The following ZBTB20 variants were observed in gnomAD, a reference collection of about 807,000 sequenced individuals.
The protein encoded by ZBTB20 is zinc finger and BTB domain containing 20.
A neutral mutation model predicts 56.9 loss-of-function variants in ZBTB20; 9 were observed. That is an observed-to-expected ratio of 0.16 (90% CI 0.10 to 0.28). ZBTB20 has a LOEUF of 0.28. Ranked by LOEUF, ZBTB20 falls within the 10% of genes least tolerant of loss-of-function variation. ZBTB20 has a pLI of 1.00. For missense variants in ZBTB20, 655 were observed against 1,003.0 expected, an observed-to-expected ratio of 0.65 and a Z score of 4.69; for synonymous variants, 417 against 420.7, an observed-to-expected ratio of 0.99 and a Z score of 0.11.
At chr3:114,784,773 C>T (rs1454246683) in intron 5 of ZBTB20, among the ~76,000 whole-genome samples, 2 of 152,088 alleles carry the variant, frequency 1.3e-5, no homozygotes, top group Non-Finnish European at 2.9e-5. Flanking sequence ...GATATAACAT[C>T]GCTGCTATTT....
intron 10 of ZBTB20, among the ~76,000 whole-genome samples, chr3:114,369,812 T>C (rs1458119345): frequency 6.6e-6 from 1 of 152,248 alleles, no homozygotes; most frequent in Admixed American, 6.5e-5. Context: ...AGAACATGGC[T>C]TTTAAAGAAT....
chr3:114,866,998 A>C (rs887139904), intron 4 of ZBTB20, among the ~76,000 whole-genome samples: 1 of 152,188 alleles, frequency 6.6e-6, no homozygotes, highest in Non-Finnish European at 1.5e-5. Flanking sequence ...AACATAGTAC[A>C]TAGTTTCTGA....
intron 7 of ZBTB20, among the ~76,000 whole-genome samples, chr3:114,433,908 A>G (rs2090317175): frequency 6.6e-6 from 1 of 152,180 alleles, no homozygotes; most frequent in African/African-American, 2.4e-5. Flanking sequence ...ATTGATGTGC[A>G]TTAGGGGATT....
chr3:114,811,914 C>A (rs1020469390), intron 4 of ZBTB20, among the ~76,000 whole-genome samples: 5 of 146,918 alleles, frequency 3.4e-5, no homozygotes, highest in Admixed American at 6.8e-5. Context: ...AGCCGCGGAC[C>A]CTCCCGGTGA....
intron 7 of ZBTB20, among the ~76,000 whole-genome samples, chr3:114,413,727 T>C (rs2088224016): frequency 6.6e-6 from 1 of 152,140 alleles, no homozygotes; most frequent in South Asian, 2.1e-4. Flanking sequence ...TAAGCTGTAT[T>C]ATGCCACTCC....
intron 10 of ZBTB20, among the ~76,000 whole-genome samples, chr3:114,355,009 A>G (rs1490080135): frequency 6.6e-6 from 1 of 152,240 alleles, no homozygotes; most frequent in African/African-American, 2.4e-5. Context: ...TATGCCTCTT[A>G]AAGCTTTTTC....
intron 5 of ZBTB20, among the ~76,000 whole-genome samples, chr3:114,793,541 G>A (rs1010970503): frequency 1.2e-4 from 18 of 151,956 alleles, no homozygotes; most frequent in African/African-American, 4.3e-4. Flanking sequence ...ATGTATAGAG[G>A]ACATTACATT....
chr3:114,766,928 C>A (rs893808560), intron 5 of ZBTB20, among the ~76,000 whole-genome samples: 1 of 151,984 alleles, frequency 6.6e-6, no homozygotes, highest in Non-Finnish European at 1.5e-5. Flanking sequence ...TACAAAGATA[C>A]TTGGATGAAA....
chr3:114,501,644 G>A (rs1577127678), intron 6 of ZBTB20, among the ~76,000 whole-genome samples: 2 of 124,630 alleles, frequency 1.6e-5, no homozygotes, highest in South Asian at 5.4e-4. Flanking sequence ...AAAATCACAG[G>A]CCAAAAAAAA....
intron 2 of ZBTB20, among the ~76,000 whole-genome samples, chr3:115,028,658 C>T (rs1023443932): frequency 6.7e-6 from 1 of 149,918 alleles, no homozygotes; most frequent in Non-Finnish European, 1.5e-5. Context: ...TTTGTGATGA[C>T]CAAGAAAGTT....
At chr3:114,971,140 CT>C (rs1008231766) in intron 3 of ZBTB20, among the ~76,000 whole-genome samples, 2 of 152,118 alleles carry the variant, frequency 1.3e-5, no homozygotes, top group African/African-American at 4.8e-5. Context: ...AACATATTTA[CT>C]TTTTTTCTTT....
chr3:115,101,040 C>T (rs1247787965), intron 1 of ZBTB20, among the ~76,000 whole-genome samples: 1 of 152,196 alleles, frequency 6.6e-6, no homozygotes, highest in Non-Finnish European at 1.5e-5. Context: ...AACTAATAGG[C>T]TAGGAACCTA....
intron 1 of ZBTB20, among the ~76,000 whole-genome samples, chr3:115,078,534 C>T (rs977764584): frequency 6.6e-6 from 1 of 150,390 alleles, no homozygotes; most frequent in Non-Finnish European, 1.5e-5. Context: ...TCTTAATGAC[C>T]ATTATGGCAC....
rs144058208 is a variant in ZBTB20 at position 114,354,293 on chromosome 3, A to T, written c.200-2415T>A. Among the ~76,000 whole-genome samples, 123 of 152,372 alleles carry T rather than the reference A, an allele frequency of 8.1e-4. 2 individuals carry two copies. In the East Asian group the frequency reaches 0.021, roughly 26 times the overall value. The stretch of plus-strand genomic sequence containing the variant: ...AGCAGTAAAACTGGTTGTGTCTGTG[A>T]TCATCTCTGTGTAGGATGGATTTAT... On this transcript the variant is annotated intron_variant, in intron 10 of 11. Coordinates refer to ENST00000675478, the MANE Select transcript of ZBTB20 (RefSeq NM_001348800.3).
At chr3:114,406,115 T>C (rs6778079) in intron 7 of ZBTB20, among the ~76,000 whole-genome samples, 31,947 of 151,944 alleles carry the variant, frequency 0.21, 4,524 homozygotes, top group African/African-American at 0.4. Context: ...TGAAAAGACG[T>C]TTGGTACTGT....
chr3:115,030,219 T>C (rs2080610291), intron 2 of ZBTB20, among the ~76,000 whole-genome samples: 1 of 151,102 alleles, frequency 6.6e-6, no homozygotes, highest in Non-Finnish European at 1.5e-5. Flanking sequence ...CCCCTTTGAC[T>C]GAAGAGATCC....
chr3:114,686,734 C>T (rs77088248), intron 6 of ZBTB20, among the ~76,000 whole-genome samples: 2,802 of 152,190 alleles, frequency 0.018, 79 homozygotes, highest in African/African-American at 0.063. Context: ...TCTTTATTCC[C>T]CCTGAAGGCC....
intron 6 of ZBTB20, among the ~76,000 whole-genome samples, chr3:114,690,146 C>A (rs2062613808): frequency 6.6e-6 from 1 of 152,054 alleles, no homozygotes; most frequent in Non-Finnish European, 1.5e-5. Flanking sequence ...TTTGCTCTAC[C>A]AGTTTTGGCT....
At chr3:114,867,084 A>C (rs1560340019) in intron 4 of ZBTB20, among the ~76,000 whole-genome samples, 1 of 152,210 alleles carries the variant, frequency 6.6e-6, no homozygotes, top group Non-Finnish European at 1.5e-5. Context: ...TTATAGGATG[A>C]AAAAGCCCCC....
Sources: gnomAD v4.1 joint callset for allele counts (sites outside exome capture counted in the v4.1 genomes callset) on GRCh38, gnomAD v4.1.1 for gene constraint, MANE v1.5 for transcripts, NCBI Gene and HGNC (gene_info 2026-07-23, HGNC 2026-07-21) for gene names.